The following ABCC8 variants were observed in gnomAD, a reference collection of about 807,000 sequenced individuals.
ABCC8 encodes the protein ATP binding cassette subfamily C member 8, also known as ATP-binding cassette sub-family C member 8.
A neutral mutation model predicts 188.0 loss-of-function variants in ABCC8; 137 were observed. That is an observed-to-expected ratio of 0.73 (90% CI 0.63 to 0.84). The LOEUF is 0.84. ABCC8 is among the 40% of genes least tolerant of loss of function. The probability of loss-of-function intolerance (pLI) is 0.00; values close to 1 mark genes in which losing one functional copy is unlikely to be tolerated. For synonymous variants in ABCC8, 797 were observed against 846.5 expected (o/e 0.94, Z 1.01); for missense variants, 1,750 against 2,072.7 (o/e 0.84, Z 3.02).
In ABCC8 at chr11:17,428,393, C is replaced by G. The variant is rs992514622; in HGVS notation, c.1936G>C (p.Val646Leu). The change falls in exon 14 of 39, where the codon GTG becomes CTG. Residue 646 changes from valine (V) to leucine (L), a missense_variant. Transcript: ENST00000389817. ...TCCCGGGCTGGACGCTTGCGGTTCA[C>G]AACCCTGAGGGGCTGGGGGTGGTTT... ...SKYQAVPLRVVNRKRPAREDC... is the reference protein window; with the variant it reads ...SKYQAVPLRVLNRKRPAREDC... The G allele has an allele frequency of 1.2e-6, 2 of 1,613,658 alleles. No homozygotes were observed. Among genetic ancestry groups the G allele is most frequent in the South Asian group, 2.2e-5 (2 of 91,052 alleles).
intron 10 of ABCC8, among the ~76,000 whole-genome samples, chr11:17,433,285 G>T (rs1955929930): frequency 6.6e-6 from 1 of 152,232 alleles, no homozygotes; most frequent in African/African-American, 2.4e-5. Flanking sequence ...GCCCAGAAAG[G>T]AGTCTGGTTC....
chr11:17,451,101 C>A (rs2133633765), intron 7 of ABCC8, among the ~76,000 whole-genome samples: 1 of 152,244 alleles, frequency 6.6e-6, no homozygotes, highest in South Asian at 2.1e-4. Flanking sequence ...TATATGCTAA[C>A]CATTAAAAAA....
At chr11:17,419,979 G>C (rs939613592) in intron 16 of ABCC8, among the ~76,000 whole-genome samples, 1 of 152,176 alleles carries the variant, frequency 6.6e-6, no homozygotes, top group East Asian at 1.9e-4. Context: ...CTCACAGCTG[G>C]TTAGGGGGCA....
Position 17,398,354 on chromosome 11 carries a change from C to A in ABCC8, c.3738G>T (p.Trp1246Cys). Residue 1246 changes from tryptophan to cysteine, a missense_variant, in exon 30 of 39, where the codon TGG (tryptophan) becomes TGT (cysteine). Coordinates refer to ENST00000389817, the MANE Select transcript of ABCC8 (RefSeq NM_000352.6). ...TAGCACTTGCCATTCGGACTTCCAGCCATCTGTTGGCAGCTGTGAGGAAGA... is the reference window on the plus strand; with the variant it reads ...TAGCACTTGCCATTCGGACTTCCAGACATCTGTTGGCAGCTGTGAGGAAGA... ...ASLFLTAANR[W>C]LEVRMEYIGA... 1 of 1,614,144 alleles carries A rather than the reference C, an allele frequency of 6.2e-7. No individual in the cohort carries two copies. Among genetic ancestry groups the A allele is most frequent in the Non-Finnish European group, 8.5e-7 (1 of 1,179,996 alleles).
In ABCC8 at chr11:17,404,392, T is replaced by G. The variant is rs1056027648; in HGVS notation, c.3557+120A>C. On this transcript the variant is annotated intron_variant, in intron 28 of 38. Transcript: ENST00000389817. This position sits in a 1 kb window ranked among gnomAD's most constrained non-coding sequence, Gnocchi z 4.7. ...ATATTTCTATTTCCTTCATTTCTGT[T>G]TTTTGTTTTTATTTTTTGGAGGGAA... 1 of 981,572 alleles carries G rather than the reference T, an allele frequency of 1.0e-6. No individual in the cohort carries two copies. The highest frequency in any genetic ancestry group is 1.5e-6 in the Non-Finnish European group (1 of 657,684). The allele number at this position is 981,572 out of a possible 1,614,324, so 60.8% of individuals were successfully genotyped here.
In ABCC8 at chr11:17,406,749, T is replaced by C. The variant is rs1469347164; in HGVS notation, c.3202A>G (p.Thr1068Ala). Residue 1068 changes from threonine to alanine, a missense_variant, in exon 26 of 39, where the codon ACG becomes GCG. Physicochemically the swap from Thr to Ala is moderately conservative, Grantham distance 58. Transcript: ENST00000389817. ...ACAATGCCCAGGCTGCAGAGCACCG[T>C]GAACACCATGGCATAGACAGTCTGG... ...LDQTVYAMVF[T>A]VLCSLGIVLC... 3 of 1,614,222 alleles carry C rather than the reference T, an allele frequency of 1.9e-6. No individual in the cohort carries two copies. In the South Asian group the frequency reaches 3.3e-5, roughly 18 times the overall value.
At chr11:17,405,161 T>C (rs1954455340) in intron 27 of ABCC8, among the ~76,000 whole-genome samples, 1 of 152,244 alleles carries the variant, frequency 6.6e-6, no homozygotes, top group Non-Finnish European at 1.5e-5. Flanking sequence ...CACCATCTGG[T>C]ACAATGGTAA....
chr11:17,435,966 A>C, intron 10 of ABCC8: 1 of 1,578,730 alleles, frequency 6.3e-7, no homozygotes. Flanking sequence ...TACCAGTGCC[A>C]CGGTGGCAGA....
chr11:17,442,625 C>T, intron 10 of ABCC8, 95 bp downstream of exon 10: 1 of 1,281,764 alleles, frequency 7.8e-7, no homozygotes, highest in Non-Finnish European at 1.1e-6. Context: ...AGGCCTCCTG[C>T]TTCTGTCCCT....
In ABCC8 at chr11:17,397,928, G is replaced by A. The variant is rs1043895891; in HGVS notation, c.3754-131C>T. 4.5e-5 allele frequency: 67 copies of A among 1,504,142 alleles called. 1 individual carries two copies. Among genetic ancestry groups the A allele is most frequent in the South Asian group, 1.4e-4 (11 of 80,358 alleles). 93.2% of individuals were successfully genotyped at this position (1,504,142 alleles called of 1,614,324 possible). A position where few individuals can be genotyped will look rare whatever the true frequency, so the allele number is the denominator to read the frequency against. ...CTCCAGCCCTGCAACTCATGCACACGTCACCAGACACACACAAGGGCTGCG... is the reference window on the plus strand; with the variant it reads ...CTCCAGCCCTGCAACTCATGCACACATCACCAGACACACACAAGGGCTGCG... On this transcript the variant is annotated intron_variant, in intron 30 of 38. Transcript: ENST00000389817.
chr11:17,413,151 C>G (rs1010161567), intron 20 of ABCC8, among the ~76,000 whole-genome samples: 1 of 152,172 alleles, frequency 6.6e-6, no homozygotes, highest in Admixed American at 6.5e-5. Flanking sequence ...CAGTGTATAC[C>G]TGGGGTGCAA....
intron 12 of ABCC8, 79 bp downstream of exon 12, chr11:17,430,735 T>A: frequency 6.7e-6 from 10 of 1,494,108 alleles, no homozygotes; most frequent in Non-Finnish European, 9.3e-6. Context: ...ACAGCTGTGG[T>A]TTGGCCATCA....
intron 30 of ABCC8, 128 bp from the exon 31 acceptor site, chr11:17,397,925 C>T (rs1053678279): frequency 9.9e-6 from 15 of 1,512,408 alleles, no homozygotes; most frequent in Non-Finnish European, 1.2e-5. Context: ...AACTCATGCA[C>T]ACGTCACCAG....
chr11:17,407,518 T>A, intron 23 of ABCC8, 65 bp from the exon 24 acceptor site: 2 of 1,609,790 alleles, frequency 1.2e-6, no homozygotes, highest in African/African-American at 1.3e-5. Flanking sequence ...AAGGGGAAGT[T>A]AAGGGGTAAC....
At chr11:17,462,975 G>A (rs1295501696) in intron 4 of ABCC8, among the ~76,000 whole-genome samples, 1 of 152,190 alleles carries the variant, frequency 6.6e-6, no homozygotes, top group Non-Finnish European at 1.5e-5. Context: ...GGGCTGCCTG[G>A]GGAGGTAGGG....
intron 16 of ABCC8, among the ~76,000 whole-genome samples, chr11:17,417,747 TTCTC>T (rs149336933): frequency 8.7e-5 from 13 of 149,844 alleles, no homozygotes; most frequent in South Asian, 2.1e-4. Context: ...TAGTAGTATT[TTCTC>T]TCTCTCTCTC....
At chr11:17,465,348 T>C (rs922350614) in intron 3 of ABCC8, 13 of 152,210 alleles carry the variant, frequency 8.5e-5, no homozygotes, top group African/African-American at 3.1e-4. Context: ...TTAACAGATA[T>C]GGTCTGCTTT....
chr11:17,476,568 C>A, intron 1 of ABCC8, 61 bp downstream of exon 1: 1 of 1,573,546 alleles, frequency 6.4e-7, no homozygotes, highest in South Asian at 1.2e-5. Flanking sequence ...CGGCGCGCAG[C>A]GCCTCCTCCT....
At position 17,412,665 on chromosome 11, in the gene ABCC8, C is replaced by T. The variant is rs749271190; in HGVS notation, c.2556+1G>A. ...AGGACCCCAAGGGAACTTGCACTCACCAAGAAGACAACGTTGGCGTGCTGG... is the reference window on the plus strand; with the variant it reads ...AGGACCCCAAGGGAACTTGCACTCATCAAGAAGACAACGTTGGCGTGCTGG... On this transcript the variant is annotated splice_donor_variant, in intron 21 of 38. Transcript: ENST00000389817. LOFTEE classifies it high-confidence loss of function. 6.2e-7 allele frequency: 1 copy of T among 1,610,828 alleles called. No homozygotes were observed. The highest frequency in any genetic ancestry group is 8.5e-7 in the Non-Finnish European group (1 of 1,178,460).
Sources: allele counts gnomAD v4.1 joint callset (sites outside exome capture counted in the v4.1 genomes callset), GRCh38; gene constraint gnomAD v4.1.1; non-coding constraint Gnocchi (gnomAD v3.1); transcripts MANE v1.5; gene names NCBI Gene and HGNC (gene_info 2026-07-23, HGNC 2026-07-21).